The following CPXM2 variants were observed in gnomAD, a reference collection of about 807,000 sequenced individuals.
CPXM2 encodes the protein inactive carboxypeptidase-like protein X2.
Under a neutral mutation model 86.1 loss-of-function variants are expected in CPXM2, and 66 were observed. The ratio of observed to expected loss-of-function variants is 0.77; its 90% CI spans 0.63 to 0.94. The LOEUF (loss-of-function observed/expected upper bound fraction) is 0.94. CPXM2 is among the 40% of genes least tolerant of loss of function. The pLI is 0.00. For missense variants in CPXM2, 948 were observed against 1,026.3 expected (o/e 0.92, Z 1.04); for synonymous variants, 388 against 400.2 (o/e 0.97, Z 0.36).
At chr10:123,828,334 C>A (rs926309574) in intron 4 of CPXM2, among the ~76,000 whole-genome samples, 1 of 152,156 alleles carries the variant, frequency 6.6e-6, no homozygotes, top group Non-Finnish European at 1.5e-5. Flanking sequence ...AATAAACCAA[C>A]TGATATGGTT....
At chr10:123,903,007 C>G (rs548391677) in intron 2 of CPXM2, among the ~76,000 whole-genome samples, 1 of 152,360 alleles carries the variant, frequency 6.6e-6, no homozygotes, top group East Asian at 1.9e-4. Context: ...TCTGGCACTT[C>G]CCTTCACAGC....
chr10:123,818,577 G>A (rs1023947363), intron 4 of CPXM2, among the ~76,000 whole-genome samples: 7 of 152,176 alleles, frequency 4.6e-5, no homozygotes, highest in African/African-American at 1.7e-4. Context: ...GTGGACTCAC[G>A]GAATGCCTTA....
chr10:123,891,252 G>T lies in CPXM2; in HGVS notation c.304+104C>A. 2.0e-6 allele frequency: 2 copies of T among 982,868 alleles called. No homozygotes were observed. Among genetic ancestry groups the T allele is most frequent in the East Asian group, 2.9e-5 (1 of 33,916 alleles). The allele number at this position is 982,868 out of a possible 1,614,324, so 60.9% of individuals were successfully genotyped here. On this transcript the variant is annotated intron_variant, in intron 1 of 13. Transcript: ENST00000241305. The surrounding 1 kb of genome is among the most constrained non-coding windows in gnomAD (Gnocchi z 5.6). The stretch of plus-strand genomic sequence containing the variant: ...GAGGCGGCAACAGGGAGATTCCCGG[G>T]ACTGGCCCATCCCAGACACACACAA...
intron 3 of CPXM2, among the ~76,000 whole-genome samples, chr10:123,857,449 A>C (rs1848750585): frequency 6.6e-6 from 1 of 152,040 alleles, no homozygotes; most frequent in Non-Finnish European, 1.5e-5. Context: ...AATTAAGGAG[A>C]CACGTTGAGT....
intron 11 of CPXM2, among the ~76,000 whole-genome samples, chr10:123,760,798 CTCT>C (rs1303813147): frequency 4.6e-5 from 7 of 152,196 alleles, no homozygotes; most frequent in African/African-American, 7.2e-5. Context: ...CCTCCTCCTC[CTCT>C]TCATCATCAT....
At chr10:123,928,874 C>T (rs563783352) in intron 2 of CPXM2, among the ~76,000 whole-genome samples, 2 of 151,344 alleles carry the variant, frequency 1.3e-5, no homozygotes, top group Non-Finnish European at 2.9e-5. Context: ...AAATCCATGG[C>T]CGTTGAAAAA....
At chr10:123,877,770 C>A (rs1414302460) in intron 2 of CPXM2, among the ~76,000 whole-genome samples, 2 of 152,158 alleles carry the variant, frequency 1.3e-5, no homozygotes, top group Non-Finnish European at 2.9e-5. Flanking sequence ...CAAAACAACA[C>A]CTAAAAGGTA....
rs201470381 is a variant in CPXM2, at chr10:123,768,668, C to A, written c.1157G>T (p.Arg386Leu). Residue 386 changes from arginine to leucine, a missense_variant, in exon 9 of 14, where the codon CGG becomes CTG. Coordinates refer to ENST00000241305, the MANE Select transcript of CPXM2 (RefSeq NM_198148.3). The stretch of plus-strand genomic sequence containing the variant: ...CTGCACCAGCAGCAGCAGCAGCTCC[C>A]GGCCCAGCACCTCATTGCCGTGGGC... ...AGAHGNEVLGRELLLLLVQFV... is the reference protein window; with the variant it reads ...AGAHGNEVLGLELLLLLVQFV... The A allele has an allele frequency of 6.2e-7, 1 of 1,612,832 alleles. No individual in the cohort carries two copies. The highest frequency in any genetic ancestry group is 8.5e-7 in the Non-Finnish European group (1 of 1,179,962).
rs757788206 is a variant in CPXM2, at chr10:123,780,271, T to C, written c.890-16A>G. On this transcript the variant is annotated splice_polypyrimidine_tract_variant and intron_variant, in intron 6 of 13. Transcript: ENST00000241305. ...TTATTAGGATCTAGGGACAGAAACA[T>C]GATTTTGCATTTACTCCCATCATTC... is the stretch of plus-strand genomic sequence containing the variant. 4.6e-6 allele frequency: 7 copies of C among 1,514,394 alleles called. No homozygotes were observed. The African/African-American group carries it at 5.5e-5, about 12-fold the overall frequency. 93.8% of individuals were successfully genotyped at this position (1,514,394 alleles called of 1,614,324 possible). A position where few individuals can be genotyped will look rare whatever the true frequency, so the allele number is the denominator to read the frequency against.
At chr10:123,930,177 C>T (rs1027026620) in intron 2 of CPXM2, among the ~76,000 whole-genome samples, 5 of 142,636 alleles carry the variant, frequency 3.5e-5, no homozygotes, top group Non-Finnish European at 6.0e-5. Flanking sequence ...TCTCAGCTCT[C>T]CTGGGAAAAT....
intron 2 of CPXM2, among the ~76,000 whole-genome samples, chr10:123,927,886 T>C (rs1564824449): frequency 6.6e-6 from 1 of 152,222 alleles, no homozygotes. Context: ...TCGGGAATTT[T>C]CTCCAGGAAC....
In CPXM2 at chr10:123,917,261, G is replaced by T. The variant is rs540662188; in HGVS notation, n.174+22216C>A. Among the ~76,000 whole-genome samples the T allele has an allele frequency of 4.6e-5, 7 of 152,274 alleles. No homozygotes were observed. In the South Asian group the frequency reaches 1.5e-3, roughly 32 times the overall value. On this transcript the variant is annotated intron_variant and non_coding_transcript_variant, in intron 2 of 19. Coordinates refer to the CPXM2 transcript ENST00000368854. Reference sequence around the variant, plus strand: ...ATCCTTTATTCCATTTCTAATTCAGGATCCGCTTTGATGTGCTCAGGCACA... The same window carrying T: ...ATCCTTTATTCCATTTCTAATTCAGTATCCGCTTTGATGTGCTCAGGCACA...
chr10:123,869,685 G>A (rs963072308), intron 2 of CPXM2, among the ~76,000 whole-genome samples: 3 of 152,138 alleles, frequency 2.0e-5, no homozygotes, highest in Non-Finnish European at 2.9e-5. Context: ...CCCCACGCAC[G>A]TACTGCCTTA....
intron 1 of CPXM2, among the ~76,000 whole-genome samples, chr10:123,939,895 G>C: frequency 6.6e-6 from 1 of 152,298 alleles, no homozygotes. Context: ...GAAGGCCCAC[G>C]AGACCACATT....
chr10:123,849,605 G>A (rs578029390), intron 3 of CPXM2, among the ~76,000 whole-genome samples: 1 of 152,068 alleles, frequency 6.6e-6, no homozygotes, highest in East Asian at 1.9e-4. Flanking sequence ...GTACAGACAA[G>A]GTTTACCATG....
At chr10:123,861,113 G>T (rs1416988876) in intron 3 of CPXM2, among the ~76,000 whole-genome samples, 1 of 152,162 alleles carries the variant, frequency 6.6e-6, no homozygotes, top group African/African-American at 2.4e-5. Flanking sequence ...TCCCAGCACA[G>T]CAGCTGCCCC....
At chr10:123,761,370 C>T (rs1846334423) in intron 11 of CPXM2, among the ~76,000 whole-genome samples, 1 of 152,146 alleles carries the variant, frequency 6.6e-6, no homozygotes, top group African/African-American at 2.4e-5. Context: ...ATGCCTGGCC[C>T]CCTCTGTGGG....
chr10:123,892,694 T>TC (rs1427460080), upstream of CPXM2, among the ~76,000 whole-genome samples: 1 of 151,988 alleles, frequency 6.6e-6, no homozygotes, highest in African/African-American at 2.4e-5. Flanking sequence ...AATCAAGGGG[T>TC]CAGCAGGACT....
In CPXM2 at chr10:123,891,709, G is replaced by A. The variant is rs1590107285; in HGVS notation, c.-50C>T. On this transcript the variant is annotated 5_prime_UTR_variant, in exon 1 of 14. Transcript: ENST00000241305. The surrounding 1 kb of genome is among the most constrained non-coding windows in gnomAD (Gnocchi z 5.6). ...CAGGGTCACGGTCACCGGGGGCGCC[G>A]GGCGGGCTGCGGGCGCAGAAGCTGG... 3.1e-6 allele frequency: 4 copies of A among 1,284,532 alleles called. No homozygotes were observed. Among genetic ancestry groups the A allele is most frequent in the African/African-American group, 1.6e-5 (1 of 63,850 alleles). 79.6% of individuals were successfully genotyped at this position (1,284,532 alleles called of 1,614,324 possible).
Sources: allele counts gnomAD v4.1 joint callset (sites outside exome capture counted in the v4.1 genomes callset), GRCh38; gene constraint gnomAD v4.1.1; non-coding constraint Gnocchi (gnomAD v3.1); transcripts MANE v1.5; gene names NCBI Gene and HGNC (gene_info 2026-07-23, HGNC 2026-07-21).